Variants in CMKLR2 observed in about 807,000 individuals in gnomAD.
CMKLR2 encodes the protein chemerin chemokine-like receptor 2, also known as chemerin-like receptor 2.
In CMKLR2, 18 loss-of-function variants were observed where a neutral mutation model predicts 23.0. The ratio of observed to expected loss-of-function variants is 0.78; its 90% CI spans 0.54 to 1.16. The LOEUF is 1.16. Among genes scored for constraint, CMKLR2 ranks in the 50% most tolerant of loss-of-function variants. The pLI is 0.00. For synonymous variants in CMKLR2, 158 were observed against 158.9 expected (o/e 0.99, Z 0.05); for missense variants, 401 against 412.7 (o/e 0.97, Z 0.25).
At chr2:206,188,619 A>G (rs1688654537) in intron 1 of CMKLR2, among the ~76,000 whole-genome samples, 1 of 152,138 alleles carries the variant, frequency 6.6e-6, no homozygotes, top group Admixed American at 6.5e-5. Context: ...AGTTCAGAGA[A>G]CCTCTATGAA....
intron 1 of CMKLR2, among the ~76,000 whole-genome samples, chr2:206,187,208 G>A (rs1159676968): frequency 6.6e-6 from 1 of 151,870 alleles, no homozygotes; most frequent in Non-Finnish European, 1.5e-5. Context: ...TTAGCCAGGC[G>A]CAGTAAGGCG....
At chr2:206,181,118 T>C (rs991665748) in intron 1 of CMKLR2, among the ~76,000 whole-genome samples, 5 of 151,466 alleles carry the variant, frequency 3.3e-5, no homozygotes, top group African/African-American at 9.7e-5. Context: ...AGTGCAGTGG[T>C]GCGATCTCGG....
At chr2:206,210,605 T>C (rs1196278724) in intron 1 of CMKLR2, among the ~76,000 whole-genome samples, 1 of 152,058 alleles carries the variant, frequency 6.6e-6, no homozygotes, top group Non-Finnish European at 1.5e-5. Flanking sequence ...GTTACAGGCA[T>C]GTGCCACCAC....
rs75161351 is a variant in CMKLR2, at chr2:206,191,671, T to C, written c.-28-14396A>G. Among the ~76,000 whole-genome samples the C allele has an allele frequency of 9.2e-3, 997 of 108,168 alleles. 10 individuals carry two copies. Among genetic ancestry groups the C allele is most frequent in the African/African-American group, 0.043 (950 of 22,246 alleles). The allele number at this position is 108,168 out of a possible 152,430, so 71.0% of individuals were successfully genotyped here. ...CTATATTTCTCTTACTTCTCTTTCT[T>C]TTTTTTTTTTTTTTTAGACAGGGTC... On this transcript the variant is annotated intron_variant, in intron 1 of 1. Transcript: ENST00000621141.
intron 1 of CMKLR2, among the ~76,000 whole-genome samples, chr2:206,194,504 G>C (rs566991206): frequency 2.6e-4 from 38 of 148,320 alleles, no homozygotes; most frequent in Middle Eastern, 3.5e-3. Flanking sequence ...TGTCACCCAG[G>C]CTGGAGTGCA....
At chr2:206,209,899 C>T (rs188939626) in intron 1 of CMKLR2, among the ~76,000 whole-genome samples, 106 of 151,790 alleles carry the variant, frequency 7.0e-4, no homozygotes, top group African/African-American at 2.5e-3. Context: ...CCACCCGCCT[C>T]GGCCTCCCAA....
At chr2:206,208,198 T>C (rs1488589074) in intron 1 of CMKLR2, among the ~76,000 whole-genome samples, 1 of 152,166 alleles carries the variant, frequency 6.6e-6, no homozygotes, top group Non-Finnish European at 1.5e-5. Context: ...AGGTGCTCAA[T>C]GAATGTCTCG....
chr2:206,200,938 T>C (rs1423013622), intron 1 of CMKLR2, among the ~76,000 whole-genome samples: 1 of 152,218 alleles, frequency 6.6e-6, no homozygotes, highest in African/African-American at 2.4e-5. Context: ...TTTTCTTTCT[T>C]CCTTGCGTTT....
intron 1 of CMKLR2, among the ~76,000 whole-genome samples, chr2:206,187,490 G>A (rs192866865): frequency 8.2e-4 from 125 of 152,228 alleles, no homozygotes; most frequent in Non-Finnish European, 9.3e-4. Context: ...GCTCTCAAAG[G>A]AAAAATGTGT....
intron 1 of CMKLR2, among the ~76,000 whole-genome samples, chr2:206,190,794 C>G (rs781413658): frequency 6.6e-6 from 1 of 152,262 alleles, no homozygotes; most frequent in Admixed American, 6.5e-5. Flanking sequence ...ATGCTGAGAT[C>G]GAATTCTTGT....
At chr2:206,194,166 A>C (rs544851952) in intron 1 of CMKLR2, among the ~76,000 whole-genome samples, 1 of 152,294 alleles carries the variant, frequency 6.6e-6, no homozygotes, top group Non-Finnish European at 1.5e-5. Context: ...AACTCAATGA[A>C]GGGGAGGGAA....
chr2:206,205,246 G>T lies in CMKLR2; in HGVS notation c.-29+8061C>A, dbSNP rs547286463. Among the ~76,000 whole-genome samples, 68 of 152,254 alleles carry T rather than the reference G, an allele frequency of 4.5e-4. 1 individual carries two copies. The highest frequency in any genetic ancestry group is 1.6e-3 in the African/African-American group (67 of 41,532). Reference sequence around the variant, plus strand: ...AAAATCAATCTTTTATTTATTTAAGGCTGAAAGATGTGTGCATATTCTTGT... The same window carrying T: ...AAAATCAATCTTTTATTTATTTAAGTCTGAAAGATGTGTGCATATTCTTGT... On this transcript the variant is annotated intron_variant, in intron 1 of 1. Transcript: ENST00000621141.
intron 1 of CMKLR2, among the ~76,000 whole-genome samples, chr2:206,204,754 T>G (rs1051883452): frequency 2.0e-5 from 3 of 152,062 alleles, no homozygotes; most frequent in African/African-American, 7.2e-5. Context: ...ATTTTGGATC[T>G]GGGTTTCATC....
intron 1 of CMKLR2, among the ~76,000 whole-genome samples, chr2:206,192,046 T>C (rs1354999301): frequency 6.6e-6 from 1 of 151,724 alleles, no homozygotes; most frequent in Non-Finnish European, 1.5e-5. Context: ...AGTTTCACTA[T>C]GTTGGCCAGG....
intron 1 of CMKLR2, among the ~76,000 whole-genome samples, chr2:206,210,046 C>T (rs1689494127): frequency 6.6e-6 from 1 of 151,714 alleles, no homozygotes; most frequent in South Asian, 2.1e-4. Context: ...TCACTGCAAC[C>T]TCTGCCTCCC....
Position 206,202,747 on chromosome 2 carries a change from A to T in CMKLR2, c.-29+10560T>A, listed in dbSNP as rs1220805890. On this transcript the variant is annotated intron_variant, in intron 1 of 1. Coordinates refer to ENST00000621141, the MANE Select transcript of CMKLR2 (RefSeq NM_001389445.1). Reference sequence around the variant, plus strand: ...GGCTGGGTTTCAAGCCATCCAGGTCAGGCGGCCGGCTTACCTTACTACAAA... The same window carrying T: ...GGCTGGGTTTCAAGCCATCCAGGTCTGGCGGCCGGCTTACCTTACTACAAA... 3.9e-5 allele frequency among the ~76,000 whole-genome samples: 6 copies of T among 151,998 alleles called. 1 individual carries two copies. The East Asian group carries it at 1.2e-3, about 29-fold the overall frequency.
chr2:206,201,983 G>A (rs1689112409), intron 1 of CMKLR2, among the ~76,000 whole-genome samples: 2 of 152,154 alleles, frequency 1.3e-5, no homozygotes, highest in Non-Finnish European at 1.5e-5. Flanking sequence ...AAAAATTGAG[G>A]GGCGCTAATG....
At chr2:206,216,956 G>A (rs562914682), upstream of CMKLR2, among the ~76,000 whole-genome samples, 10 of 152,118 alleles carry the variant, frequency 6.6e-5, no homozygotes, top group African/African-American at 1.2e-4. Context: ...CTTGCATGAC[G>A]TTAAATAGCA....
At chr2:206,214,635 T>A (rs571726865), upstream of CMKLR2, among the ~76,000 whole-genome samples, 18 of 152,120 alleles carry the variant, frequency 1.2e-4, no homozygotes, top group African/African-American at 2.2e-4. Context: ...TATTATTATT[T>A]TTTTTTGAGA....
Sources: gnomAD v4.1 joint callset for allele counts (sites outside exome capture counted in the v4.1 genomes callset) on GRCh38, gnomAD v4.1.1 for gene constraint, MANE v1.5 for transcripts, NCBI Gene and HGNC (gene_info 2026-07-23, HGNC 2026-07-21) for gene names.